Variants in WHRN observed in about 807,000 individuals in gnomAD.
The protein encoded by WHRN is CASK-interacting protein CIP98.
Under a neutral mutation model 68.3 loss-of-function variants are expected in WHRN, and 41 were observed. The observed-to-expected ratio is 0.60, with a 90% CI of 0.47 to 0.78. The LOEUF is 0.78. Ranked by LOEUF, WHRN falls within the 30% of genes least tolerant of loss-of-function variation. WHRN has a pLI of 0.00. For missense variants in WHRN, 1,243 were observed against 1,244.7 expected (o/e 1.00, Z 0.02); for synonymous variants, 560 against 561.3 (o/e 1.00, Z 0.03).
chr9:114,459,780 G>A (rs1840098328), intron 3 of WHRN, among the ~76,000 whole-genome samples: 1 of 152,204 alleles, frequency 6.6e-6, no homozygotes, highest in Non-Finnish European at 1.5e-5. Flanking sequence ...CCTTCATTAG[G>A]ACTGCCATAA....
At position 114,408,022 on chromosome 9, in the gene WHRN, G is replaced by C; in HGVS notation, c.1627-4C>G. On this transcript the variant is annotated splice_region_variant and splice_polypyrimidine_tract_variant and intron_variant, in intron 7 of 11. Coordinates refer to ENST00000362057, the MANE Select transcript of WHRN (RefSeq NM_015404.4). ...TTTCCTCCAGGTCCAGAGTGTTCTAGAAATGGACGAGAAAGCAAAGTGAGC... is the reference window on the plus strand; with the variant it reads ...TTTCCTCCAGGTCCAGAGTGTTCTACAAATGGACGAGAAAGCAAAGTGAGC... 3 of 1,595,766 alleles carry C rather than the reference G, an allele frequency of 1.9e-6. No individual in the cohort carries two copies. Among genetic ancestry groups the C allele is most frequent in the African/African-American group, 2.7e-5 (2 of 74,600 alleles).
intron 7 of WHRN, among the ~76,000 whole-genome samples, chr9:114,421,231 C>A (rs1237350453): frequency 1.3e-5 from 2 of 152,224 alleles, no homozygotes; most frequent in African/African-American, 2.4e-5. Context: ...GCAGGGCCAA[C>A]TTCCACAGCT....
At chr9:114,415,528 C>T (rs373724838) in intron 7 of WHRN, among the ~76,000 whole-genome samples, 28 of 152,284 alleles carry the variant, frequency 1.8e-4, no homozygotes, top group African/African-American at 5.8e-4. Flanking sequence ...TGGCTGTAGC[C>T]AACAACTTCA....
rs781539585 is a variant in WHRN at position 114,424,302 on chromosome 9, TGAAGCCAGTTG to T, written c.1416+21_1416+31del. 2.0e-5 allele frequency: 32 copies of T among 1,610,956 alleles called. No homozygotes were observed. The African/African-American group carries it at 3.6e-4, about 18-fold the overall frequency. On this transcript the variant is annotated intron_variant, in intron 6 of 11. Transcript: ENST00000362057. ...GCAGGATGCAGAGCCCTGGAAATGC[TGAAGCCAGTTG>T]GGAGGCAGGGCACGGGTCACCTTGG...
In WHRN at chr9:114,402,533, G is replaced by A; in HGVS notation, c.*221C>T. ...CCCACTTGTCCTGGGCGCCTACTGT[G>A]TACCCAGTACAGCACCAGTTCCTGA... On this transcript the variant is annotated 3_prime_UTR_variant, in exon 12 of 12. Coordinates refer to ENST00000362057, the MANE Select transcript of WHRN (RefSeq NM_015404.4). 1 of 619,612 alleles carries A rather than the reference G, an allele frequency of 1.6e-6. No individual in the cohort carries two copies. The highest frequency in any genetic ancestry group is 1.9e-5 in the South Asian group (1 of 52,986). 38.4% of individuals were successfully genotyped at this position (619,612 alleles called of 1,614,324 possible).
At chr9:114,441,050 T>C (rs1564157597) in intron 3 of WHRN, among the ~76,000 whole-genome samples, 1 of 152,198 alleles carries the variant, frequency 6.6e-6, no homozygotes, top group East Asian at 1.9e-4. Context: ...AGACAGACGA[T>C]TCATCTGGTA....
chr9:114,478,708 A>G lies in WHRN; in HGVS notation c.682T>C (p.Tyr228His). The change falls in exon 2 of 12, where the codon TAC becomes CAC. Residue 228 changes from tyrosine (Y) to histidine (H), a missense_variant. Transcript: ENST00000362057. ...VYSAGRIPGG[Y>H]VTNHIYTWVD... ...CAGGTGTAGATGTGGTTGGTGACGT[A>G]GCCCCCAGGGATGCGCCCTGCTGAG... 1.9e-6 allele frequency: 3 copies of G among 1,611,104 alleles called. No individual in the cohort carries two copies. Among genetic ancestry groups the G allele is most frequent in the Non-Finnish European group, 2.5e-6 (3 of 1,179,352 alleles).
At position 114,504,442 on chromosome 9, in the gene WHRN, G is replaced by C; in HGVS notation, c.360C>G (p.Thr120=). ...CGCCCCAGGCGGGCTGCCTGTAGGG[G>C]GTGGTGGCGGGCAGGTAGAGGCCCT... ...TAEGLYLPAT[T]PYRQPAWGGP... The change falls in exon 1 of 12, where the codon ACC becomes ACG. Residue 120 remains threonine (T), a synonymous_variant. Coordinates refer to ENST00000362057, the MANE Select transcript of WHRN (RefSeq NM_015404.4). The C allele has an allele frequency of 6.2e-7, 1 of 1,607,332 alleles. No homozygotes were observed. Among genetic ancestry groups the C allele is most frequent in the Non-Finnish European group, 8.5e-7 (1 of 1,179,658 alleles).
rs532318651 is a variant in WHRN, at chr9:114,445,537, A to C, written c.964-19124T>G. Among the ~76,000 whole-genome samples the C allele has an allele frequency of 5.4e-3, 828 of 152,310 alleles. 5 individuals are homozygous for C. Among genetic ancestry groups the C allele is most frequent in the African/African-American group, 0.019 (800 of 41,548 alleles). On this transcript the variant is annotated intron_variant, in intron 3 of 11. Coordinates refer to ENST00000362057, the MANE Select transcript of WHRN (RefSeq NM_015404.4). ...AGACCAGACTGTCAAGTGTATAAAG[A>C]AAAAAATTCCACAACTAAATGAAAA...
At chr9:114,481,602 G>A (rs1053759608) in intron 1 of WHRN, among the ~76,000 whole-genome samples, 2 of 152,134 alleles carry the variant, frequency 1.3e-5, no homozygotes, top group South Asian at 2.1e-4. Flanking sequence ...TCTCCCTCTC[G>A]TCTCTGCCTC....
rs74835951 is a variant in WHRN at position 114,462,741 on chromosome 9, T to C, written c.963+3526A>G. 9.0e-3 allele frequency among the ~76,000 whole-genome samples: 1,372 copies of C among 152,332 alleles called. 15 individuals are homozygous for C. The highest frequency in any genetic ancestry group is 0.055 in the East Asian group (283 of 5,176). Reference sequence around the variant, plus strand: ...ACTTAGCTGGGTGGCCTTGGACAAGTTGCTTAACATTGCTCCTAAATCTAT... The same window carrying C: ...ACTTAGCTGGGTGGCCTTGGACAAGCTGCTTAACATTGCTCCTAAATCTAT... On this transcript the variant is annotated intron_variant, in intron 3 of 11. Transcript: ENST00000362057.
intron 1 of WHRN, chr9:114,503,363 T>C (rs1844104028): frequency 4.9e-6 from 1 of 205,856 alleles, no homozygotes; most frequent in Admixed American, 6.5e-5. Flanking sequence ...GAAAAATGCC[T>C]GCAAAGGATC....
chr9:114,489,465 C>CGT (rs539191069), intron 1 of WHRN, among the ~76,000 whole-genome samples: 1 of 32,546 alleles, frequency 3.1e-5, no homozygotes, highest in African/African-American at 1.6e-4. Context: ...CACACACATA[C>CGT]ACACACACAC....
chr9:114,497,523 AAAAAG>A (rs1473840735), intron 1 of WHRN, among the ~76,000 whole-genome samples: 28 of 151,984 alleles, frequency 1.8e-4, no homozygotes, highest in Admixed American at 9.8e-4. Context: ...TTTTAAAAAA[AAAAAG>A]AAAAGGAAAA....
chr9:114,464,074 A>G (rs1441665598), intron 3 of WHRN, among the ~76,000 whole-genome samples: 1 of 152,244 alleles, frequency 6.6e-6, no homozygotes, highest in Middle Eastern at 3.2e-3. Flanking sequence ...TAAACACCAC[A>G]TGTATCCCAC....
At chr9:114,448,717 G>A (rs1214407316) in intron 3 of WHRN, among the ~76,000 whole-genome samples, 1 of 152,164 alleles carries the variant, frequency 6.6e-6, no homozygotes, top group East Asian at 1.9e-4. Context: ...CATGCAGGAA[G>A]CACTAGGGCC....
chr9:114,427,976 C>T (rs1837033294), intron 3 of WHRN, among the ~76,000 whole-genome samples: 1 of 152,122 alleles, frequency 6.6e-6, no homozygotes, highest in Non-Finnish European at 1.5e-5. Context: ...ACTGAGTTTC[C>T]CCATCAGCCT....
chr9:114,409,814 C>T (rs56106064), intron 7 of WHRN, among the ~76,000 whole-genome samples: 2 of 151,850 alleles, frequency 1.3e-5, no homozygotes, highest in African/African-American at 4.8e-5. Flanking sequence ...AAAATCGTAA[C>T]CTTCCCCTCA....
At position 114,424,342 on chromosome 9, in the gene WHRN, G is replaced by C; in HGVS notation, c.1408C>G (p.His470Asp). ...GGCAGGGCACGGGTCACCTTGGCGT[G>C]GGTGTTGAGCAGCTTGAACAGGGCC... is the stretch of plus-strand genomic sequence containing the variant. The part of the protein sequence containing the change: ...VMALFKLLNT[H>D]AKFSLLSEVR... The change falls in exon 6 of 12, where the codon CAC (histidine) becomes GAC (aspartate). Residue 470 changes from histidine (H) to aspartate (D), a missense_variant. Coordinates refer to ENST00000362057, the MANE Select transcript of WHRN (RefSeq NM_015404.4). The C allele has an allele frequency of 6.2e-7, 1 of 1,612,264 alleles. No homozygotes were observed. Among genetic ancestry groups the C allele is most frequent in the Non-Finnish European group, 8.5e-7 (1 of 1,179,992 alleles).
Sources: allele counts gnomAD v4.1 joint callset (sites outside exome capture counted in the v4.1 genomes callset), GRCh38; gene constraint gnomAD v4.1.1; transcripts MANE v1.5; gene names NCBI Gene and HGNC (gene_info 2026-07-23, HGNC 2026-07-21).